The following SKIC3 variants were observed in gnomAD, a reference collection of about 807,000 sequenced individuals.
SKIC3 encodes the protein superkiller complex protein 3.
chr5:95,474,589 C>T, the SKIC3 span, among the ~76,000 whole-genome samples: 1 of 152,116 alleles, frequency 6.6e-6, no homozygotes, highest in African/African-American at 2.4e-5. Flanking sequence ...AAATCTCATG[C>T]TATGTGCCCT....
At chr5:95,548,887 G>A in the SKIC3 span, among the ~76,000 whole-genome samples, 1 of 152,102 alleles carries the variant, frequency 6.6e-6, no homozygotes, top group East Asian at 1.9e-4. Flanking sequence ...TAAGGAGGAA[G>A]TTCACCATCT....
At chr5:95,544,910 G>A in the SKIC3 span, among the ~76,000 whole-genome samples, 7 of 152,280 alleles carry the variant, frequency 4.6e-5, no homozygotes, top group East Asian at 9.6e-4. Context: ...GTGATAAAGC[G>A]CCACAGGCAG....
At chr5:95,517,472 G>C in the SKIC3 span, 1 of 894,512 alleles carries the variant, frequency 1.1e-6, no homozygotes, top group African/African-American at 1.7e-5. Flanking sequence ...CTCCCTAATA[G>C]GAAGGGAAGA....
At chr5:95,523,814 A>G in the SKIC3 span, 3 of 1,613,446 alleles carry the variant, frequency 1.9e-6, no homozygotes, top group Non-Finnish European at 2.5e-6. Flanking sequence ...CTTTGCCCAT[A>G]TATGTATCCA....
the SKIC3 span, among the ~76,000 whole-genome samples, chr5:95,466,337 T>G: frequency 6.6e-6 from 1 of 152,198 alleles, no homozygotes; most frequent in Non-Finnish European, 1.5e-5. Flanking sequence ...AACATTCCAT[T>G]AGGATTCTGT....
chr5:95,523,621 A>G, the SKIC3 span: 2 of 1,608,776 alleles, frequency 1.2e-6, no homozygotes, highest in African/African-American at 2.7e-5. Flanking sequence ...TCAGGATAAA[A>G]AAAACAAAAA....
the SKIC3 span, chr5:95,537,045 T>C: frequency 6.2e-7 from 1 of 1,613,366 alleles, no homozygotes; most frequent in Admixed American, 1.7e-5. Flanking sequence ...CAACTTACTT[T>C]GGATAAACTC....
chr5:95,516,721 A>G, the SKIC3 span: 1 of 1,613,278 alleles, frequency 6.2e-7, no homozygotes. Flanking sequence ...AGTGATTATT[A>G]CTGTCGAGTC....
chr5:95,541,763 T>C, the SKIC3 span: 1 of 1,291,782 alleles, frequency 7.7e-7, no homozygotes, highest in Admixed American at 1.7e-5. Context: ...TTAATCAGTT[T>C]ATTAAAATTC....
the SKIC3 span, chr5:95,512,692 A>C: frequency 6.6e-7 from 1 of 1,521,564 alleles, no homozygotes; most frequent in Non-Finnish European, 9.1e-7. Context: ...GAAGTAAAAC[A>C]ATGCACTTCA....
the SKIC3 span, among the ~76,000 whole-genome samples, chr5:95,492,254 A>T: frequency 6.6e-6 from 1 of 152,210 alleles, no homozygotes; most frequent in Admixed American, 6.5e-5. Context: ...AAAGAAAGGC[A>T]CATGACAGCC....
chr5:95,465,221 C>A, the SKIC3 span, among the ~76,000 whole-genome samples: 1 of 152,100 alleles, frequency 6.6e-6, no homozygotes, highest in Admixed American at 6.5e-5. Context: ...TGAGGCACTG[C>A]GCCCAGCCTG....
At chr5:95,484,717 A>G in the SKIC3 span, 1 of 1,614,044 alleles carries the variant, frequency 6.2e-7, no homozygotes. Flanking sequence ...CACATTCCAT[A>G]AAATACCTTT....
At chr5:95,520,918 C>T in the SKIC3 span, 1 of 877,648 alleles carries the variant, frequency 1.1e-6, no homozygotes. Context: ...AAGCACTTTC[C>T]AGAAAATAAA....
the SKIC3 span, among the ~76,000 whole-genome samples, chr5:95,537,406 T>C: frequency 2.6e-5 from 4 of 152,344 alleles, no homozygotes; most frequent in South Asian, 2.1e-4. Context: ...TCCAAGTGCC[T>C]GCTGTCTCCT....
chr5:95,542,710 T>C, the SKIC3 span, among the ~76,000 whole-genome samples: 23 of 152,264 alleles, frequency 1.5e-4, no homozygotes, highest in African/African-American at 4.8e-4. Context: ...GTGACTGAGA[T>C]ACCAAACAAA....
the SKIC3 span, chr5:95,520,845 T>C: frequency 6.8e-7 from 1 of 1,468,964 alleles, no homozygotes; most frequent in South Asian, 1.1e-5. Context: ...TTGTCACTGT[T>C]ATTAAAACAT....
chr5:95,525,575 A>C, the SKIC3 span: 1 of 1,614,002 alleles, frequency 6.2e-7, no homozygotes, highest in Non-Finnish European at 8.5e-7. Flanking sequence ...CAGTTTGAAT[A>C]AAAAAGCCAA....
the SKIC3 span, among the ~76,000 whole-genome samples, chr5:95,492,236 T>C: frequency 6.6e-6 from 1 of 152,166 alleles, no homozygotes; most frequent in Non-Finnish European, 1.5e-5. Context: ...GAAATCTGAT[T>C]ACTATATAAA....
Sources: gnomAD v4.1 joint callset for allele counts (sites outside exome capture counted in the v4.1 genomes callset) on GRCh38, gnomAD v4.1.1 for gene constraint, MANE v1.5 for transcripts, NCBI Gene and HGNC (gene_info 2026-07-23, HGNC 2026-07-21) for gene names.